Variants in ADCY8 observed in about 807,000 individuals in gnomAD.
The protein encoded by ADCY8 is adenylate cyclase type 8.
ADCY8 carries 51 observed loss-of-function variants against 119.7 expected under a neutral mutation model. That is an observed-to-expected ratio of 0.43 (90% confidence interval 0.34 to 0.54). ADCY8 has a LOEUF of 0.54. Among genes scored for constraint, ADCY8 ranks in the 20% least tolerant of loss-of-function variants. The pLI is 0.03. For synonymous variants in ADCY8, 665 were observed against 651.0 expected, an observed-to-expected ratio of 1.02 and a Z score of -0.33; for missense variants, 1,383 against 1,598.8, an observed-to-expected ratio of 0.87 and a Z score of 2.30.
At chr8:130,982,070 T>A (rs1822256823) in intron 2 of ADCY8, among the ~76,000 whole-genome samples, 1 of 152,228 alleles carries the variant, frequency 6.6e-6, no homozygotes, top group Non-Finnish European at 1.5e-5. Flanking sequence ...TCTTCCGTCA[T>A]GCCAGAAAAT....
chr8:130,908,727 G>T (rs547474585), intron 6 of ADCY8, among the ~76,000 whole-genome samples: 1 of 152,296 alleles, frequency 6.6e-6, no homozygotes, highest in Non-Finnish European at 1.5e-5. Context: ...CAGGTAGAGT[G>T]ATGCAAGCCA....
At chr8:130,934,438 A>G (rs1820726173) in intron 5 of ADCY8, among the ~76,000 whole-genome samples, 1 of 152,110 alleles carries the variant, frequency 6.6e-6, no homozygotes, top group Non-Finnish European at 1.5e-5. Flanking sequence ...ACTCACTATC[A>G]TGACAACAGC....
At position 130,948,276 on chromosome 8, in the gene ADCY8, G is replaced by A. The variant is rs370217905; in HGVS notation, c.1241+3592C>T. 6.6e-5 allele frequency among the ~76,000 whole-genome samples: 10 copies of A among 152,340 alleles called. No individual in the cohort carries two copies. In the East Asian group the frequency reaches 1.3e-3, roughly 21 times the overall value. On this transcript the variant is annotated intron_variant, in intron 3 of 17. Coordinates refer to ENST00000286355, the MANE Select transcript of ADCY8 (RefSeq NM_001115.3). ...TACAAGAAGTGTCTTAAGTATCTGGGGGAAAAACAGGAAAGATCAATACAA... is the reference window on the plus strand; with the variant it reads ...TACAAGAAGTGTCTTAAGTATCTGGAGGAAAAACAGGAAAGATCAATACAA...
At chr8:130,949,221 T>A (rs1821201330) in intron 3 of ADCY8, among the ~76,000 whole-genome samples, 1 of 151,982 alleles carries the variant, frequency 6.6e-6, no homozygotes. Context: ...GAAGAAGGAT[T>A]CCTGCAGAAA....
chr8:130,847,288 AAAG>A (rs138226842), intron 11 of ADCY8, 133 bp downstream of exon 11: 26,167 of 603,014 alleles, frequency 0.043, 731 homozygotes, highest in Non-Finnish European at 0.054. Context: ...AGAAGAAAGG[AAAG>A]AAGAAGAGGC....
intron 4 of ADCY8, 33 bp from the exon 5 acceptor site, chr8:130,937,233 T>C (rs1337664241): frequency 4.4e-6 from 7 of 1,601,806 alleles, no homozygotes; most frequent in Admixed American, 1.7e-5. Context: ...GAAAGGTCTA[T>C]GTCAGCAGAA....
At chr8:130,805,792 G>A (rs17226587) in intron 14 of ADCY8, among the ~76,000 whole-genome samples, 36,895 of 152,144 alleles carry the variant, frequency 0.24, 4,546 homozygotes, top group East Asian at 0.26. Context: ...CTGGAGAATG[G>A]TGGGTCTTTA....
At chr8:130,829,789 A>C (rs923472894) in intron 12 of ADCY8, among the ~76,000 whole-genome samples, 2 of 152,232 alleles carry the variant, frequency 1.3e-5, no homozygotes, top group African/African-American at 4.8e-5. Context: ...TAGCCACCCA[A>C]ATCCAATGCC....
intron 5 of ADCY8, among the ~76,000 whole-genome samples, chr8:130,930,865 G>A (rs890037796): frequency 2.6e-5 from 4 of 151,976 alleles, no homozygotes; most frequent in Non-Finnish European, 5.9e-5. Context: ...AGTTTGAAAA[G>A]TTTTCTGCTA....
chr8:130,836,201 G>T, intron 12 of ADCY8, 76 bp downstream of exon 12: 1 of 1,433,316 alleles, frequency 7.0e-7, no homozygotes, highest in South Asian at 1.4e-5. Context: ...GTAATGCAGC[G>T]GGCATCATTT....
At chr8:131,006,461 C>T (rs1563764796) in intron 1 of ADCY8, among the ~76,000 whole-genome samples, 1 of 152,220 alleles carries the variant, frequency 6.6e-6, no homozygotes, top group Middle Eastern at 3.4e-3. Flanking sequence ...GGCAGTGGGG[C>T]TTTTTCAAGT....
Position 130,952,053 on chromosome 8 carries a change from G to A in ADCY8, c.1111-55C>T, listed in dbSNP as rs1395523888. 2.5e-6 allele frequency: 4 copies of A among 1,595,906 alleles called. No homozygotes were observed. In the East Asian group the frequency reaches 6.7e-5, roughly 27 times the overall value. On this transcript the variant is annotated intron_variant, in intron 2 of 17. Transcript: ENST00000286355. Reference sequence around the variant, plus strand: ...TAGGCTGACCAGCGAGTCTCAGATGGGAGGGTGGAGGGTGGAGAAGTCATG... The same window carrying A: ...TAGGCTGACCAGCGAGTCTCAGATGAGAGGGTGGAGGGTGGAGAAGTCATG...
chr8:131,008,100 G>A (rs1173220399), intron 1 of ADCY8, among the ~76,000 whole-genome samples: 4 of 152,088 alleles, frequency 2.6e-5, no homozygotes, highest in African/African-American at 9.7e-5. Context: ...TAGGGTCAGA[G>A]GTCTAAACCT....
At chr8:130,977,736 G>C (rs1222109079) in intron 2 of ADCY8, among the ~76,000 whole-genome samples, 2 of 152,196 alleles carry the variant, frequency 1.3e-5, no homozygotes, top group African/African-American at 4.8e-5. Context: ...GAGAGGTTAG[G>C]TACTTGTCCT....
chr8:130,843,289 T>C (rs1421563708), intron 11 of ADCY8, among the ~76,000 whole-genome samples: 1 of 152,204 alleles, frequency 6.6e-6, no homozygotes, highest in Non-Finnish European at 1.5e-5. Context: ...CTGTGTGAGT[T>C]CCAGGTACTG....
chr8:131,004,765 A>T (rs973031675), intron 1 of ADCY8, among the ~76,000 whole-genome samples: 1 of 152,178 alleles, frequency 6.6e-6, no homozygotes. Context: ...CAGTCCTTCT[A>T]GGGGAGAGAC....
At chr8:131,003,838 T>A (rs1474261490) in intron 1 of ADCY8, among the ~76,000 whole-genome samples, 1 of 151,904 alleles carries the variant, frequency 6.6e-6, no homozygotes, top group Non-Finnish European at 1.5e-5. Flanking sequence ...GAGCTAAGAA[T>A]AATTACATTT....
At chr8:130,893,191 T>G (rs1819248736) in intron 7 of ADCY8, among the ~76,000 whole-genome samples, 1 of 152,172 alleles carries the variant, frequency 6.6e-6, no homozygotes, top group Admixed American at 6.6e-5. Flanking sequence ...TTGAGGCAAA[T>G]TGTCAATTGA....
At chr8:131,017,176 T>C (rs1823502607) in intron 1 of ADCY8, among the ~76,000 whole-genome samples, 1 of 152,082 alleles carries the variant, frequency 6.6e-6, no homozygotes, top group South Asian at 2.1e-4. Context: ...TTCAAGTGAT[T>C]CTCATACCTC....
Sources: gnomAD v4.1 joint callset for allele counts (sites outside exome capture counted in the v4.1 genomes callset) on GRCh38, gnomAD v4.1.1 for gene constraint, MANE v1.5 for transcripts, NCBI Gene and HGNC (gene_info 2026-07-23, HGNC 2026-07-21) for gene names.